The following SPHKAP variants were observed in gnomAD, a reference collection of about 807,000 sequenced individuals.
SPHKAP encodes the protein SPHK1 interactor, AKAP domain containing.
SPHKAP carries 67 observed loss-of-function variants against 137.5 expected under a neutral mutation model. That is an observed-to-expected ratio of 0.49 (90% CI 0.40 to 0.60). The LOEUF (loss-of-function observed/expected upper bound fraction) is 0.60. Ranked by LOEUF, SPHKAP falls within the 20% of genes least tolerant of loss-of-function variation. The pLI is 0.00. For missense variants in SPHKAP, 2,097 were observed against 2,069.3 expected (o/e 1.01, Z -0.26); for synonymous variants, 813 against 785.3 (o/e 1.04, Z -0.59).
rs1278084624 is a variant in SPHKAP, at chr2:227,980,335, A to C, written c.*1382T>G. On this transcript the variant is annotated 3_prime_UTR_variant, in exon 12 of 12. Transcript: ENST00000392056. Reference sequence around the variant, plus strand: ...TACAAGGGAGCTTTCTTTGCATTTCAAAATGTGGATGATAGAGAAGGTGAG... The same window carrying C: ...TACAAGGGAGCTTTCTTTGCATTTCCAAATGTGGATGATAGAGAAGGTGAG... The C allele has an allele frequency of 1.3e-5, 2 of 152,188 alleles. No homozygotes were observed. The highest frequency in any genetic ancestry group is 2.9e-5 in the Non-Finnish European group (2 of 68,028). 9.4% of individuals were successfully genotyped at this position (152,188 alleles called of 1,614,324 possible).
chr2:227,993,466 T>A, intron 9 of SPHKAP, 68 bp downstream of exon 9: 1 of 1,417,154 alleles, frequency 7.1e-7, no homozygotes, highest in Non-Finnish European at 9.8e-7. Flanking sequence ...ACCTGAATGA[T>A]CAAAATGGAT....
chr2:228,043,224 G>A (rs1490483767), intron 3 of SPHKAP, among the ~76,000 whole-genome samples: 3 of 152,164 alleles, frequency 2.0e-5, no homozygotes, highest in Admixed American at 6.5e-5. Context: ...GATCAAACCC[G>A]TGAATCCAAG....
intron 7 of SPHKAP, among the ~76,000 whole-genome samples, chr2:228,007,417 TTCTG>T (rs1694183943): frequency 6.6e-6 from 1 of 152,136 alleles, no homozygotes; most frequent in African/African-American, 2.4e-5. Flanking sequence ...CCAGAACATG[TTCTG>T]TCTAACTATA....
At chr2:228,035,683 G>A (rs1339977464) in intron 3 of SPHKAP, among the ~76,000 whole-genome samples, 1 of 152,094 alleles carries the variant, frequency 6.6e-6, no homozygotes, top group African/African-American at 2.4e-5. Context: ...CCAAAACAGA[G>A]ATATAGATCA....
intron 8 of SPHKAP, among the ~76,000 whole-genome samples, chr2:227,994,549 G>T (rs189209773): frequency 6.6e-6 from 1 of 152,068 alleles, no homozygotes; most frequent in African/African-American, 2.4e-5. Context: ...AGAGTAGATG[G>T]TACTCTAAAA....
intron 7 of SPHKAP, among the ~76,000 whole-genome samples, chr2:228,011,359 G>C (rs529100085): frequency 3.0e-4 from 46 of 152,110 alleles, no homozygotes; most frequent in African/African-American, 1.1e-3. Context: ...ACCATTCGCA[G>C]ACCCTCATTT....
rs144202259 is a variant in SPHKAP, at chr2:228,016,747, A to G, written c.4107T>C (p.Asp1369=). The G allele has an allele frequency of 9.8e-3, 15,759 of 1,614,062 alleles. 206 individuals are homozygous for G. The highest frequency in any genetic ancestry group is 0.056 in the Admixed American group (3,376 of 60,018). Reference sequence around the variant, plus strand: ...CGGTAACAGAGTCTTTCCTCGGGCAATCGAGAGACTCCTGAACAAGCAGAG... The same window carrying G: ...CGGTAACAGAGTCTTTCCTCGGGCAGTCGAGAGACTCCTGAACAAGCAGAG... ...GPTLLVQESL[D]CPRKDSVTEC... The change falls in exon 7 of 12, where the codon GAT becomes GAC. Residue 1369 remains aspartate (D), a synonymous_variant. Coordinates refer to ENST00000392056, the MANE Select transcript of SPHKAP (RefSeq NM_001142644.2).
intron 1 of SPHKAP, among the ~76,000 whole-genome samples, chr2:228,134,405 A>G (rs1699370886): frequency 6.6e-6 from 1 of 152,188 alleles, no homozygotes; most frequent in Non-Finnish European, 1.5e-5. Context: ...TGTTTGGACT[A>G]AAGTGTGTGG....
chr2:228,072,235 T>C (rs1192882633), intron 3 of SPHKAP, among the ~76,000 whole-genome samples: 2 of 152,192 alleles, frequency 1.3e-5, no homozygotes, highest in Non-Finnish European at 2.9e-5. Context: ...CTTTCCTGGG[T>C]CTACAGCCTG....
At chr2:228,103,846 A>G (rs1055230959) in intron 3 of SPHKAP, among the ~76,000 whole-genome samples, 5 of 152,104 alleles carry the variant, frequency 3.3e-5, no homozygotes, top group East Asian at 1.9e-4. Flanking sequence ...TCTGGGTTCA[A>G]TCCTGGTTTT....
intron 3 of SPHKAP, among the ~76,000 whole-genome samples, chr2:228,035,135 T>C (rs1695535114): frequency 6.8e-6 from 1 of 146,928 alleles, no homozygotes; most frequent in East Asian, 2.0e-4. Flanking sequence ...GAAAACCCCA[T>C]TGTCTCAGCC....
At chr2:228,052,059 T>C (rs953410914) in intron 3 of SPHKAP, among the ~76,000 whole-genome samples, 9 of 152,162 alleles carry the variant, frequency 5.9e-5, no homozygotes, top group African/African-American at 2.2e-4. Flanking sequence ...CCAATAAGTA[T>C]TTTTCTCTAT....
At chr2:227,990,151 C>T (rs749893843) in intron 11 of SPHKAP, among the ~76,000 whole-genome samples, 16 of 152,190 alleles carry the variant, frequency 1.1e-4, no homozygotes, top group Non-Finnish European at 1.6e-4. Flanking sequence ...TTCTCTTCCC[C>T]GGAACTTTTG....
rs772783567 is a variant in SPHKAP, at chr2:228,018,578, C to A, written c.2276G>T (p.Ser759Ile). The A allele has an allele frequency of 6.2e-7, 1 of 1,613,852 alleles. No homozygotes were observed. Among genetic ancestry groups the A allele is most frequent in the Non-Finnish European group, 8.5e-7 (1 of 1,179,850 alleles). The change falls in exon 7 of 12, where the codon AGT becomes ATT. Residue 759 changes from serine to isoleucine, a missense_variant. Ser to Ile is a moderately radical substitution (Grantham distance 142). Transcript: ENST00000392056. ...TTCAGTGGCTTTTGTCCAAGCTTGACTAGCACCCGGATCAGATGGCTGGCA... is the reference window on the plus strand; with the variant it reads ...TTCAGTGGCTTTTGTCCAAGCTTGAATAGCACCCGGATCAGATGGCTGGCA... ...PSCQPSDPGA[S>I]QAWTKATESS...
chr2:228,180,422 T>C (rs774463273), intron 1 of SPHKAP, among the ~76,000 whole-genome samples: 1 of 151,824 alleles, frequency 6.6e-6, no homozygotes, highest in Non-Finnish European at 1.5e-5. Context: ...CTTGGCAATG[T>C]AGTATCACTC....
chr2:227,988,157 T>C (rs1693284596), intron 11 of SPHKAP, among the ~76,000 whole-genome samples: 1 of 152,150 alleles, frequency 6.6e-6, no homozygotes, highest in East Asian at 1.9e-4. Context: ...AAAAGAAAGA[T>C]TATCAAAATG....
At chr2:228,053,850 T>C (rs1696344891) in intron 3 of SPHKAP, among the ~76,000 whole-genome samples, 1 of 152,188 alleles carries the variant, frequency 6.6e-6, no homozygotes, top group African/African-American at 2.4e-5. Flanking sequence ...CTCTCATCCA[T>C]TGTCCCATTT....
At chr2:228,178,885 AGAAG>A (rs772163187) in intron 1 of SPHKAP, among the ~76,000 whole-genome samples, 155 of 152,246 alleles carry the variant, frequency 1.0e-3, no homozygotes, top group Non-Finnish European at 1.9e-4. Flanking sequence ...GAGTTTTCAC[AGAAG>A]GAAGGGAATA....
chr2:228,036,529 C>G (rs1447188390), intron 3 of SPHKAP, among the ~76,000 whole-genome samples: 1 of 152,184 alleles, frequency 6.6e-6, no homozygotes. Flanking sequence ...CATCCCATTA[C>G]TGGGTATATA....
Sources: gnomAD v4.1 joint callset for allele counts (sites outside exome capture counted in the v4.1 genomes callset) on GRCh38, gnomAD v4.1.1 for gene constraint, MANE v1.5 for transcripts, NCBI Gene and HGNC (gene_info 2026-07-23, HGNC 2026-07-21) for gene names.